Variants in PDXDC1 observed in about 807,000 individuals in gnomAD.
The protein encoded by PDXDC1 is pyridoxal dependent decarboxylase domain containing 1, also known as pyridoxal-dependent decarboxylase domain-containing protein 1.
In PDXDC1, 42 loss-of-function variants were observed where a neutral mutation model predicts 100.1. The observed-to-expected ratio is 0.42, with a 90% confidence interval of 0.33 to 0.54. The LOEUF (loss-of-function observed/expected upper bound fraction) is 0.54, where lower values mean the gene tolerates loss of function less well. PDXDC1 is among the 20% of genes least tolerant of loss of function. PDXDC1 has a pLI of 0.10. For missense variants in PDXDC1, 636 were observed against 979.2 expected (o/e 0.65, Z 4.68); for synonymous variants, 260 against 371.7 (o/e 0.70, Z 3.46).
At chr16:15,130,393 G>A (rs773072835) in intron 16 of PDXDC1, 36 of 1,575,740 alleles carry the variant, frequency 2.3e-5, no homozygotes, top group African/African-American at 2.2e-4. Context: ...GACACCTCCA[G>A]CGCCGACAGG....
intron 16 of PDXDC1, among the ~76,000 whole-genome samples, chr16:15,124,726 T>C (rs1348707908): frequency 2.0e-5 from 3 of 147,052 alleles, no homozygotes; most frequent in East Asian, 2.1e-4. Context: ...GAGCCGAGAT[T>C]GCACCACTGC....
intron 7 of PDXDC1, 99 bp downstream of exon 7, chr16:15,008,946 T>A: frequency 8.7e-7 from 1 of 1,145,840 alleles, no homozygotes; most frequent in Non-Finnish European, 1.3e-6. Context: ...AATTAGTAAC[T>A]TACTCATGTA....
chr16:15,139,953 G>C (rs1403849087), downstream of PDXDC1, among the ~76,000 whole-genome samples: 1 of 151,948 alleles, frequency 6.6e-6, no homozygotes, highest in African/African-American at 2.4e-5. Context: ...AAAATTAGGT[G>C]GGCGTGGTGG....
the PDXDC1 span, among the ~76,000 whole-genome samples, chr16:15,147,431 C>A: frequency 2.2e-4 from 33 of 152,208 alleles, no homozygotes; most frequent in Admixed American, 5.9e-4. Context: ...GTGGCTGCAA[C>A]CCTGCAGTGC....
At chr16:15,072,259 A>AG (rs2045267624) in intron 16 of PDXDC1, among the ~76,000 whole-genome samples, 1 of 151,570 alleles carries the variant, frequency 6.6e-6, no homozygotes, top group African/African-American at 2.4e-5. Context: ...AAAAAAAAAA[A>AG]AAGAAGAAGA....
intron 1 of PDXDC1, among the ~76,000 whole-genome samples, chr16:14,986,716 A>G (rs867105538): frequency 1.3e-5 from 2 of 152,262 alleles, no homozygotes; most frequent in Non-Finnish European, 2.9e-5. Context: ...AGATATACCC[A>G]CTCTGTAAAT....
At chr16:15,031,618 C>A in intron 16 of PDXDC1, 117 bp from the exon 17 acceptor site, 1 of 794,990 alleles carries the variant, frequency 1.3e-6, no homozygotes, top group Non-Finnish European at 2.0e-6. Flanking sequence ...ATCTCCATGG[C>A]TCCCGGTAAC....
At chr16:15,140,054 G>A (rs535559549), downstream of PDXDC1, among the ~76,000 whole-genome samples, 173 of 115,366 alleles carry the variant, frequency 1.5e-3, no homozygotes, top group Middle Eastern at 0.037. Flanking sequence ...CCAAGATCAC[G>A]CCACTGCAAT....
intron 15 of PDXDC1, chr16:15,029,238 C>T: frequency 3.3e-6 from 2 of 608,076 alleles, no homozygotes; most frequent in Non-Finnish European, 5.8e-6. Flanking sequence ...GGCTGCAGGG[C>T]AGCTGCGGTG....
intron 16 of PDXDC1, among the ~76,000 whole-genome samples, chr16:15,072,245 C>CA (rs55852324): frequency 0.017 from 2,220 of 133,448 alleles, 30 homozygotes; most frequent in African/African-American, 0.019. Context: ...TTTCCCCCAC[C>CA]AAAAAAAAAA....
intron 17 of PDXDC1, chr16:15,032,584 G>A (rs894834439): frequency 6.9e-6 from 2 of 288,832 alleles, no homozygotes; most frequent in Admixed American, 5.2e-5. Flanking sequence ...AGCCCAGGAG[G>A]TGGAGGTTGC....
At chr16:15,140,120 AAAAG>A (rs2048443891), downstream of PDXDC1, among the ~76,000 whole-genome samples, 1 of 142,640 alleles carries the variant, frequency 7.0e-6, no homozygotes, top group Non-Finnish European at 1.5e-5. Flanking sequence ...AAAAAAAAAG[AAAAG>A]AAAGGGAGGA....
intron 1 of PDXDC1, among the ~76,000 whole-genome samples, chr16:14,985,546 A>G (rs1158016030): frequency 6.6e-6 from 1 of 152,216 alleles, no homozygotes; most frequent in Non-Finnish European, 1.5e-5. Flanking sequence ...CGGCCTCCCA[A>G]AGTGCTGGGA....
intron 16 of PDXDC1, among the ~76,000 whole-genome samples, chr16:15,106,541 G>C (rs1433648169): frequency 6.7e-6 from 1 of 150,120 alleles, no homozygotes; most frequent in Admixed American, 6.7e-5. Flanking sequence ...GGATCACGAG[G>C]TCAGGAGATT....
intron 16 of PDXDC1, chr16:15,061,167 A>T (rs1007491685): frequency 6.6e-6 from 1 of 152,306 alleles, no homozygotes; most frequent in African/African-American, 2.4e-5. Context: ...TCTGTGTCCC[A>T]GACCATGTCG....
intron 17 of PDXDC1, 190 bp from the exon 18 acceptor site, chr16:15,032,671 G>T (rs1266802885): frequency 1.3e-5 from 4 of 314,142 alleles, no homozygotes; most frequent in Admixed American, 7.0e-5. Flanking sequence ...AAAAAAAAAG[G>T]CTTTCCTGTG....
rs746600945 is a variant in PDXDC1 at position 15,092,021 on chromosome 16, AT to A, written c.1400-46857del. ...GTGAAACCCTGCCTCTACTAAAAAA[AT>A]AAAAAAATTAGCCAGGTGTGGTGGT... is the stretch of plus-strand genomic sequence containing the variant. On this transcript the variant is annotated intron_variant, in intron 16 of 16. Coordinates refer to the PDXDC1 transcript ENST00000535621. Among the ~76,000 whole-genome samples, 1,088 of 152,242 alleles carry A rather than the reference AT, an allele frequency of 7.1e-3. 6 individuals carry two copies. Among genetic ancestry groups the A allele is most frequent in the Non-Finnish European group, 9.4e-3 (641 of 68,010 alleles).
chr16:15,038,681 T>TA, downstream of PDXDC1: 1 of 1,546,228 alleles, frequency 6.5e-7, no homozygotes, highest in Non-Finnish European at 8.9e-7. Context: ...TCATAAATGC[T>TA]AATCATCTAA....
At chr16:15,125,325 A>T (rs2047649787) in intron 16 of PDXDC1, 1 of 711,836 alleles carries the variant, frequency 1.4e-6, no homozygotes, top group African/African-American at 1.8e-5. Flanking sequence ...AGCACACCAG[A>T]CTGCAGGTGG....
Sources: allele counts gnomAD v4.1 joint callset (sites outside exome capture counted in the v4.1 genomes callset), GRCh38; gene constraint gnomAD v4.1.1; transcripts MANE v1.5; gene names NCBI Gene and HGNC (gene_info 2026-07-23, HGNC 2026-07-21).